XPO1: variants seen among roughly 807,000 people sequenced by gnomAD.
The protein encoded by XPO1 is exportin-1.
In XPO1, 5 loss-of-function variants were observed where a neutral mutation model predicts 133.3. The ratio of observed to expected loss-of-function variants is 0.04; its 90% CI spans 0.02 to 0.08. The LOEUF (loss-of-function observed/expected upper bound fraction) is 0.08. Among genes scored for constraint, XPO1 ranks in the 10% least tolerant of loss-of-function variants. The pLI, the probability that XPO1 is intolerant of heterozygous loss-of-function variation, is 1.00. For missense variants in XPO1, 506 were observed against 1,267.5 expected (o/e 0.40, Z 9.12); for synonymous variants, 419 against 408.2 (o/e 1.03, Z -0.32).
intron 4 of XPO1, among the ~76,000 whole-genome samples, chr2:61,511,688 T>G (rs1202697465): frequency 4.6e-5 from 7 of 152,138 alleles, no homozygotes; most frequent in Non-Finnish European, 7.4e-5. Flanking sequence ...CCTCAATCAC[T>G]GTGCCTGGCC....
At chr2:61,494,193 T>A in intron 11 of XPO1, 102 bp from the exon 12 acceptor site, 1 of 1,085,900 alleles carries the variant, frequency 9.2e-7, no homozygotes, top group South Asian at 1.6e-5. Flanking sequence ...ATTCATGTTT[T>A]ATTCATCACA....
chr2:61,501,584 G>A (rs1285183238), intron 6 of XPO1, among the ~76,000 whole-genome samples: 1 of 151,770 alleles, frequency 6.6e-6, no homozygotes, highest in Admixed American at 6.6e-5. Context: ...TTAGCCAAAC[G>A]TGGTGGTAAG....
intron 4 of XPO1, among the ~76,000 whole-genome samples, chr2:61,520,446 C>G (rs1222942183): frequency 6.6e-6 from 1 of 151,226 alleles, no homozygotes; most frequent in African/African-American, 2.4e-5. Context: ...CAGCAGCCAG[C>G]AGCATGGGCA....
intron 17 of XPO1, among the ~76,000 whole-genome samples, chr2:61,489,894 ATTTT>A (rs1179171883): frequency 1.5e-5 from 2 of 133,082 alleles, no homozygotes; most frequent in African/African-American, 2.8e-5. Flanking sequence ...AAATTACAGT[ATTTT>A]TTTTTTTTTT....
intron 21 of XPO1, 127 bp from the exon 22 acceptor site, chr2:61,483,218 A>C: frequency 1.0e-6 from 1 of 971,686 alleles, no homozygotes. Context: ...ATGACTAATA[A>C]TTACTTGCAT....
Position 61,492,279 on chromosome 2 carries a change from T to C in XPO1, c.1723+46A>G. The C allele has an allele frequency of 6.3e-7, 1 of 1,581,928 alleles. No individual in the cohort carries two copies. The highest frequency in any genetic ancestry group is 8.5e-7 in the Non-Finnish European group (1 of 1,169,908). On this transcript the variant is annotated intron_variant, in intron 15 of 24. Transcript: ENST00000401558. This position sits in a 1 kb window ranked among gnomAD's most constrained non-coding sequence, Gnocchi z 5.6. ...ACAAGACAAAAACATTCATTTATTT[T>C]CTTCAATAAAAATAAAAGCAAAATA...
chr2:61,484,244 T>C (rs1439586015), intron 20 of XPO1, 139 bp from the exon 21 acceptor site: 2 of 658,966 alleles, frequency 3.0e-6, no homozygotes, highest in East Asian at 5.7e-5. Flanking sequence ...TCCTGAAAGG[T>C]AAACCCAAGT....
chr2:61,491,973 T>A (rs1478118837), intron 16 of XPO1, 62 bp downstream of exon 16: 42 of 1,571,918 alleles, frequency 2.7e-5, no homozygotes, highest in Non-Finnish European at 3.6e-5. Flanking sequence ...TTTCCATTGA[T>A]ACATACAGAT....
intron 1 of XPO1, chr2:61,536,388 C>T (rs1481421357): frequency 6.6e-6 from 1 of 152,234 alleles, no homozygotes; most frequent in African/African-American, 2.4e-5. Context: ...CGCTCATTCC[C>T]ATTGGGCTCT....
At chr2:61,531,903 C>G (rs1265697251) in intron 2 of XPO1, among the ~76,000 whole-genome samples, 1 of 152,148 alleles carries the variant, frequency 6.6e-6, no homozygotes, top group African/African-American at 2.4e-5. Context: ...GGCTAACAAG[C>G]TTACAGAATC....
At chr2:61,483,273 G>A (rs1696492360) in intron 21 of XPO1, 182 bp from the exon 22 acceptor site, 1 of 557,854 alleles carries the variant, frequency 1.8e-6, no homozygotes, top group Non-Finnish European at 3.0e-6. Flanking sequence ...ATCCAATGCT[G>A]GCTTACTTAT....
chr2:61,520,971 G>T (rs1341214041), intron 4 of XPO1, among the ~76,000 whole-genome samples: 1 of 152,154 alleles, frequency 6.6e-6, no homozygotes, highest in Non-Finnish European at 1.5e-5. Flanking sequence ...GATCCCTGAA[G>T]AATAAAGTAT....
At chr2:61,525,570 A>G (rs1698876975) in intron 3 of XPO1, 2 of 1,015,268 alleles carry the variant, frequency 2.0e-6, no homozygotes, top group Non-Finnish European at 2.4e-6. Flanking sequence ...CTGTTGATAA[A>G]TCAACTTAAA....
chr2:61,531,949 C>T (rs1040485702), intron 2 of XPO1, among the ~76,000 whole-genome samples: 5 of 152,126 alleles, frequency 3.3e-5, no homozygotes, highest in African/African-American at 9.7e-5. Flanking sequence ...TTAGCGTTTC[C>T]ATGGACCTTT....
intron 23 of XPO1, among the ~76,000 whole-genome samples, chr2:61,481,553 TCTC>T (rs1442684237): frequency 2.6e-5 from 4 of 152,126 alleles, no homozygotes; most frequent in African/African-American, 7.2e-5. Flanking sequence ...CTGAAGCTAT[TCTC>T]CTGCCTCAGC....
intron 22 of XPO1, 33 bp downstream of exon 22, chr2:61,482,924 G>A (rs777913205): frequency 1.9e-6 from 3 of 1,612,036 alleles, no homozygotes; most frequent in Admixed American, 1.7e-5. Flanking sequence ...TGCCCAGCTG[G>A]CACTTAACAT....
intron 2 of XPO1, among the ~76,000 whole-genome samples, chr2:61,526,744 A>G (rs1464293156): frequency 2.0e-5 from 3 of 146,536 alleles, no homozygotes; most frequent in East Asian, 4.0e-4. Flanking sequence ...TCTTGGCTCT[A>G]TCACCCAGGC....
At chr2:61,522,469 C>G (rs970164926) in intron 4 of XPO1, 142 bp downstream of exon 4, 1 of 690,078 alleles carries the variant, frequency 1.4e-6, no homozygotes, top group Non-Finnish European at 2.5e-6. Context: ...ACAAACAGAC[C>G]TGTTTGCTTC....
At chr2:61,488,321 G>A (rs1250670341) in intron 18 of XPO1, 50 bp from the exon 19 acceptor site, 1 of 1,538,520 alleles carries the variant, frequency 6.5e-7, no homozygotes, top group Non-Finnish European at 9.0e-7. Flanking sequence ...AACTTATACA[G>A]TGGTACTCAG....
Sources: allele counts gnomAD v4.1 joint callset (sites outside exome capture counted in the v4.1 genomes callset), GRCh38; gene constraint gnomAD v4.1.1; non-coding constraint Gnocchi (gnomAD v3.1); transcripts MANE v1.5; gene names NCBI Gene and HGNC (gene_info 2026-07-23, HGNC 2026-07-21).